ARHGAP24: variants seen among roughly 807,000 people sequenced by gnomAD.
ARHGAP24 encodes the protein Rho GTPase activating protein 24.
In ARHGAP24, 50 loss-of-function variants were observed where a neutral mutation model predicts 76.4. That is an observed-to-expected ratio of 0.65 (90% CI 0.52 to 0.83). The LOEUF (loss-of-function observed/expected upper bound fraction) is 0.83, where lower values mean the gene tolerates loss of function less well. Among genes scored for constraint, ARHGAP24 ranks in the 40% least tolerant of loss-of-function variants. The pLI is 0.00. For synonymous variants in ARHGAP24, 345 were observed against 323.3 expected (o/e 1.07, Z -0.72); for missense variants, 930 against 914.2 (o/e 1.02, Z -0.22).
Position 85,875,568 on chromosome 4 carries a change from A to ATAT in ARHGAP24, c.269-48079_269-48077dup, listed in dbSNP as rs1560689168. On this transcript the variant is annotated intron_variant, in intron 3 of 9. Transcript: ENST00000395184. ...ATATTTTATATTATATTTTTATATT[A>ATAT]TATAATATATAATATATATTTTATA... Among the ~76,000 whole-genome samples the ATAT allele has an allele frequency of 9.9e-5, 3 of 30,370 alleles. No homozygotes were observed. The South Asian group carries it at 6.8e-3, about 68-fold the overall frequency. 19.9% of individuals were successfully genotyped at this position (30,370 alleles called of 152,430 possible). A position where few individuals can be genotyped will look rare whatever the true frequency, so the allele number is the denominator to read the frequency against.
At chr4:85,877,123 T>C (rs1312555868) in intron 3 of ARHGAP24, among the ~76,000 whole-genome samples, 5 of 152,234 alleles carry the variant, frequency 3.3e-5, no homozygotes, top group Non-Finnish European at 7.3e-5. Flanking sequence ...TGTTTTCTTA[T>C]AATTGTGTTA....
Position 85,972,100 on chromosome 4 carries a change from G to C in ARHGAP24, c.664G>C (p.Val222Leu), listed in dbSNP as rs189944282. 7.2e-5 allele frequency: 116 copies of C among 1,613,996 alleles called. No homozygotes were observed. Among genetic ancestry groups the C allele is most frequent in the Non-Finnish European group, 9.2e-5 (108 of 1,179,988 alleles). The change falls in exon 6 of 10, where the codon GTT (valine) becomes CTT (leucine). Residue 222 changes from valine (V) to leucine (L), a missense_variant. Val to Leu is a conservative substitution (Grantham distance 32, BLOSUM62 1). Transcript: ENST00000395184. ...KLYLRELPEP[V>L]IPYAKYEDFL... ...GTACCTCCGAGAACTTCCAGAACCA[G>C]TTATTCCTTATGCGAAGTATGAAGA...
At chr4:85,933,339 C>T (rs537430958) in intron 4 of ARHGAP24, among the ~76,000 whole-genome samples, 2 of 152,010 alleles carry the variant, frequency 1.3e-5, no homozygotes, top group Non-Finnish European at 2.9e-5. Context: ...GCATTTCTAG[C>T]GGTTTTAGAA....
At position 85,942,303 on chromosome 4, in the gene ARHGAP24, C is replaced by T. The variant is rs200070579; in HGVS notation, c.599+30C>T. The T allele has an allele frequency of 1.7e-5, 27 of 1,610,384 alleles. No homozygotes were observed. In the African/African-American group the frequency reaches 3.5e-4, roughly 21 times the overall value. Reference sequence around the variant, plus strand: ...ATGTCACAATTTTACTAGCCATCTTCACTGAGAAATTCAGACTCAACTGAC... The same window carrying T: ...ATGTCACAATTTTACTAGCCATCTTTACTGAGAAATTCAGACTCAACTGAC... On this transcript the variant is annotated intron_variant, in intron 5 of 9. Coordinates refer to ENST00000395184, the MANE Select transcript of ARHGAP24 (RefSeq NM_001025616.3).
At chr4:85,816,043 T>G (rs1729222099) in intron 3 of ARHGAP24, among the ~76,000 whole-genome samples, 1 of 152,148 alleles carries the variant, frequency 6.6e-6, no homozygotes, top group South Asian at 2.1e-4. Flanking sequence ...GAGAACAGCA[T>G]GGGGGAAACC....
intron 3 of ARHGAP24, among the ~76,000 whole-genome samples, chr4:85,858,331 C>T (rs1374475567): frequency 6.6e-6 from 1 of 152,116 alleles, no homozygotes; most frequent in African/African-American, 2.4e-5. Flanking sequence ...ATTTGGTTGA[C>T]ATTCTGTTGC....
At chr4:85,700,065 C>A (rs1239881783) in intron 2 of ARHGAP24, among the ~76,000 whole-genome samples, 1 of 152,100 alleles carries the variant, frequency 6.6e-6, no homozygotes, top group Non-Finnish European at 1.5e-5. Flanking sequence ...GGAGATCACA[C>A]AGTAGAGGTA....
intron 2 of ARHGAP24, among the ~76,000 whole-genome samples, chr4:85,661,733 G>T: frequency 6.8e-6 from 1 of 147,390 alleles, no homozygotes; most frequent in East Asian, 2.0e-4. Flanking sequence ...TGTTCTCATT[G>T]TTGAATTCCC....
Position 85,743,742 on chromosome 4 carries a change from G to A in ARHGAP24, c.268+21770G>A, listed in dbSNP as rs1003643386. On this transcript the variant is annotated intron_variant, in intron 3 of 9. Coordinates refer to ENST00000395184, the MANE Select transcript of ARHGAP24 (RefSeq NM_001025616.3). Reference sequence around the variant, plus strand: ...CTGCAAGTTAGCACAAGAGTGCAACGACTCTATGTTATCCTGGCTCCCTCA... The same window carrying A: ...CTGCAAGTTAGCACAAGAGTGCAACAACTCTATGTTATCCTGGCTCCCTCA... 7.2e-5 allele frequency among the ~76,000 whole-genome samples: 11 copies of A among 152,170 alleles called. No individual in the cohort carries two copies. In the East Asian group the frequency reaches 2.1e-3, roughly 29 times the overall value.
intron 5 of ARHGAP24, among the ~76,000 whole-genome samples, chr4:85,957,878 T>G (rs1297108473): frequency 6.6e-6 from 1 of 152,040 alleles, no homozygotes; most frequent in East Asian, 1.9e-4. Flanking sequence ...TCATGTTGCA[T>G]CATGTTTTAC....
chr4:85,542,248 T>C (rs562173995), intron 1 of ARHGAP24, among the ~76,000 whole-genome samples: 1 of 152,214 alleles, frequency 6.6e-6, no homozygotes, highest in Non-Finnish European at 1.5e-5. Context: ...AGTAAGAATA[T>C]CCTTGGGAAA....
chr4:85,920,523 G>A (rs1347855263), intron 3 of ARHGAP24, among the ~76,000 whole-genome samples: 1 of 152,088 alleles, frequency 6.6e-6, no homozygotes, highest in Non-Finnish European at 1.5e-5. Flanking sequence ...AGCAAATATT[G>A]ACAAATGGGA....
At chr4:85,866,090 T>G (rs1369562826) in intron 3 of ARHGAP24, among the ~76,000 whole-genome samples, 1 of 152,114 alleles carries the variant, frequency 6.6e-6, no homozygotes, top group African/African-American at 2.4e-5. Context: ...TAGGCTCTAT[T>G]TAATGGTTCA....
chr4:85,964,269 A>G (rs1738437152), intron 5 of ARHGAP24, among the ~76,000 whole-genome samples: 1 of 152,070 alleles, frequency 6.6e-6, no homozygotes, highest in African/African-American at 2.4e-5. Flanking sequence ...TTGTTTGTGT[A>G]AATGGTGAGG....
chr4:85,675,138 G>T (rs905386541), intron 2 of ARHGAP24, among the ~76,000 whole-genome samples: 5 of 152,286 alleles, frequency 3.3e-5, no homozygotes, highest in African/African-American at 1.2e-4. Context: ...TTTGGCAGGA[G>T]TGAAAACCTA....
intron 3 of ARHGAP24, among the ~76,000 whole-genome samples, chr4:85,894,299 A>T (rs1416445522): frequency 6.6e-6 from 1 of 152,104 alleles, no homozygotes; most frequent in Admixed American, 6.6e-5. Context: ...AGCAAATAAG[A>T]TTCTTCAGAA....
chr4:85,955,932 C>T (rs111388217), intron 5 of ARHGAP24, among the ~76,000 whole-genome samples: 1 of 152,118 alleles, frequency 6.6e-6, no homozygotes, highest in Admixed American at 6.5e-5. Context: ...AAAGATACAC[C>T]CCTCCCTCTT....
chr4:85,983,456 A>G (rs956427842), intron 8 of ARHGAP24, among the ~76,000 whole-genome samples: 2 of 152,150 alleles, frequency 1.3e-5, no homozygotes, highest in African/African-American at 4.8e-5. Context: ...TGACTTTTTA[A>G]TAATCACCAT....
chr4:85,965,894 A>G (rs986528082), intron 5 of ARHGAP24, among the ~76,000 whole-genome samples: 3 of 152,178 alleles, frequency 2.0e-5, no homozygotes, highest in African/African-American at 7.2e-5. Context: ...GTACTCTGAC[A>G]GTTCCATCAA....
Sources: allele counts gnomAD v4.1 joint callset (sites outside exome capture counted in the v4.1 genomes callset), GRCh38; gene constraint gnomAD v4.1.1; transcripts MANE v1.5; gene names NCBI Gene and HGNC (gene_info 2026-07-23, HGNC 2026-07-21).